DLG2: variants seen among roughly 807,000 people sequenced by gnomAD.
DLG2 encodes disks large homolog 2.
A neutral mutation model predicts 132.5 loss-of-function variants in DLG2; 45 were observed. That is an observed-to-expected ratio of 0.34 (90% CI 0.27 to 0.44). The LOEUF is 0.44. Ranked by LOEUF, DLG2 falls within the 20% of genes least tolerant of loss-of-function variation. DLG2 has a pLI of 1.00. For missense variants in DLG2, 1,045 were observed against 1,196.9 expected, an observed-to-expected ratio of 0.87 and a Z score of 1.87; for synonymous variants, 424 against 419.6, an observed-to-expected ratio of 1.01 and a Z score of -0.13.
chr11:85,574,696 C>T lies in DLG2; in HGVS notation c.40+23961G>A, dbSNP rs568574687. 3.9e-5 allele frequency among the ~76,000 whole-genome samples: 6 copies of T among 152,182 alleles called. No homozygotes were observed. The South Asian group carries it at 1.0e-3, about 26-fold the overall frequency. On this transcript the variant is annotated intron_variant, in intron 3 of 27. Transcript: ENST00000376104. The stretch of plus-strand genomic sequence containing the variant: ...TAAAAAGAGTCTGGGACCCACCCCT[C>T]GTCTCTTTTGCTCCCTCTCTCAACA...
At chr11:83,589,553 C>G (rs1157369996) in intron 19 of DLG2, among the ~76,000 whole-genome samples, 3 of 151,148 alleles carry the variant, frequency 2.0e-5, no homozygotes, top group Non-Finnish European at 2.9e-5. Context: ...AATGTAAAGA[C>G]CATCGAGACT....
At chr11:83,842,903 C>T (rs917013376) in intron 16 of DLG2, among the ~76,000 whole-genome samples, 6 of 151,858 alleles carry the variant, frequency 4.0e-5, no homozygotes, top group Admixed American at 2.0e-4. Context: ...GAACTCTGAG[C>T]GTCTGGGGGC....
At chr11:84,556,258 G>A (rs1222916091) in intron 6 of DLG2, among the ~76,000 whole-genome samples, 2 of 152,108 alleles carry the variant, frequency 1.3e-5, no homozygotes, top group African/African-American at 4.8e-5. Flanking sequence ...TTGAGATTGG[G>A]GCCTAGTGGA....
intron 3 of DLG2, among the ~76,000 whole-genome samples, chr11:85,456,547 A>G (rs2092428666): frequency 6.6e-6 from 1 of 152,050 alleles, no homozygotes; most frequent in South Asian, 2.1e-4. Flanking sequence ...TAGTTTCTCA[A>G]GGTGTGATGT....
rs138116517 is a variant in DLG2, at chr11:85,147,059, C to T, written c.282+7497G>A. 6.0e-4 allele frequency among the ~76,000 whole-genome samples: 91 copies of T among 152,314 alleles called. No individual in the cohort carries two copies. The East Asian group carries it at 0.017, about 28-fold the overall frequency. ...CACTTCACTCTCTCTCCTGCGAACACACAGATTTTCTGAATACATGCCATC... is the reference window on the plus strand; with the variant it reads ...CACTTCACTCTCTCTCCTGCGAACATACAGATTTTCTGAATACATGCCATC... On this transcript the variant is annotated intron_variant, in intron 5 of 27. Coordinates refer to ENST00000376104, the MANE Select transcript of DLG2 (RefSeq NM_001142699.3).
intron 3 of DLG2, among the ~76,000 whole-genome samples, chr11:85,384,419 G>T (rs889830280): frequency 2.0e-5 from 3 of 152,080 alleles, no homozygotes; most frequent in South Asian, 2.1e-4. Flanking sequence ...TTCAAAGATG[G>T]TTCATTGAAC....
intron 15 of DLG2, among the ~76,000 whole-genome samples, chr11:83,883,983 C>A (rs1444363752): frequency 6.6e-6 from 1 of 152,174 alleles, no homozygotes; most frequent in Admixed American, 6.5e-5. Context: ...CGAATAGGAA[C>A]AGCTCCGGTC....
intron 6 of DLG2, among the ~76,000 whole-genome samples, chr11:85,043,871 C>T (rs143428074): frequency 2.0e-4 from 30 of 151,966 alleles, no homozygotes; most frequent in African/African-American, 6.3e-4. Context: ...CCCTATTGCC[C>T]TGCCACCAGT....
intron 10 of DLG2, among the ~76,000 whole-genome samples, chr11:84,081,383 T>C (rs1033090987): frequency 1.3e-5 from 2 of 151,780 alleles, no homozygotes; most frequent in South Asian, 4.2e-4. Flanking sequence ...CTATTATTAT[T>C]AATTCAATCA....
intron 6 of DLG2, among the ~76,000 whole-genome samples, chr11:84,930,663 T>C (rs1180247633): frequency 6.6e-6 from 1 of 152,042 alleles, no homozygotes; most frequent in Non-Finnish European, 1.5e-5. Context: ...TACCGCAAAA[T>C]AAAAGAAAAA....
chr11:84,276,499 A>G (rs1240397676), intron 7 of DLG2, among the ~76,000 whole-genome samples: 5 of 152,246 alleles, frequency 3.3e-5, no homozygotes, highest in African/African-American at 1.2e-4. Context: ...TGCTAGAAAT[A>G]GAGAACACAA....
intron 7 of DLG2, among the ~76,000 whole-genome samples, chr11:84,381,570 G>C (rs1019003420): frequency 7.9e-5 from 12 of 152,170 alleles, no homozygotes; most frequent in Admixed American, 3.3e-4. Flanking sequence ...TAATAATTCA[G>C]TTCATTAATA....
At chr11:84,330,965 T>C (rs909193874) in intron 7 of DLG2, among the ~76,000 whole-genome samples, 22 of 152,228 alleles carry the variant, frequency 1.4e-4, no homozygotes, top group African/African-American at 5.3e-4. Flanking sequence ...GCCTTCTCTG[T>C]TCTTATTTAC....
At chr11:84,225,764 C>T (rs7129434) in intron 8 of DLG2, among the ~76,000 whole-genome samples, 3 of 151,518 alleles carry the variant, frequency 2.0e-5, no homozygotes, top group Non-Finnish European at 4.4e-5. Context: ...AAATATATTT[C>T]TTAAATAAAT....
Position 84,184,096 on chromosome 11 carries a change from T to G in DLG2, c.574-20585A>C, listed in dbSNP as rs983622103. Among the ~76,000 whole-genome samples the G allele has an allele frequency of 2.6e-5, 4 of 152,308 alleles. No homozygotes were observed. The South Asian group carries it at 8.3e-4, about 32-fold the overall frequency. On this transcript the variant is annotated intron_variant, in intron 8 of 27. Transcript: ENST00000376104. The stretch of plus-strand genomic sequence containing the variant: ...AATCCTTTGGGTATATACCCAGTAA[T>G]GGGATGGCTGGGTCAAATGGTATTT...
chr11:85,502,815 A>C (rs139978324), intron 3 of DLG2, among the ~76,000 whole-genome samples: 64 of 152,260 alleles, frequency 4.2e-4, no homozygotes, highest in African/African-American at 1.5e-3. Flanking sequence ...GTTAAAGTAA[A>C]ATTTTTAAAA....
intron 19 of DLG2, among the ~76,000 whole-genome samples, chr11:83,598,643 C>T (rs930205594): frequency 4.6e-5 from 7 of 152,164 alleles, no homozygotes; most frequent in African/African-American, 1.7e-4. Context: ...ATACTAGCTA[C>T]TTAATAAACT....
intron 7 of DLG2, among the ~76,000 whole-genome samples, chr11:84,354,822 A>G (rs2154415968): frequency 6.6e-6 from 1 of 152,300 alleles, no homozygotes; most frequent in African/African-American, 2.4e-5. Flanking sequence ...TGAAAAGTTC[A>G]TACCATTTCC....
At chr11:84,202,368 A>G (rs2096607106) in intron 8 of DLG2, among the ~76,000 whole-genome samples, 1 of 152,194 alleles carries the variant, frequency 6.6e-6, no homozygotes, top group East Asian at 1.9e-4. Context: ...GCAATGAGGA[A>G]AGGATTCTCT....
Sources: allele counts gnomAD v4.1 joint callset (sites outside exome capture counted in the v4.1 genomes callset), GRCh38; gene constraint gnomAD v4.1.1; transcripts MANE v1.5; gene names NCBI Gene and HGNC (gene_info 2026-07-23, HGNC 2026-07-21).